GRIA4: variants seen among roughly 807,000 people sequenced by gnomAD.
GRIA4 encodes glutamate receptor 4.
GRIA4 carries 34 observed loss-of-function variants against 104.0 expected under a neutral mutation model. The observed-to-expected ratio is 0.33, with a 90% CI of 0.25 to 0.44. GRIA4 has a LOEUF of 0.44. Ranked by LOEUF, GRIA4 falls within the 20% of genes least tolerant of loss-of-function variation. GRIA4 has a pLI of 1.00. For synonymous variants in GRIA4, 386 were observed against 381.9 expected (o/e 1.01, Z -0.13); for missense variants, 750 against 1,096.5 (o/e 0.68, Z 4.46).
intron 3 of GRIA4, among the ~76,000 whole-genome samples, chr11:105,645,308 G>A (rs1951494875): frequency 6.6e-6 from 1 of 152,196 alleles, no homozygotes; most frequent in Non-Finnish European, 1.5e-5. Context: ...ATTCAGATAT[G>A]CTCCTTGGCA....
At chr11:105,936,720 T>C (rs1038330580) in intron 14 of GRIA4, among the ~76,000 whole-genome samples, 9 of 152,142 alleles carry the variant, frequency 5.9e-5, no homozygotes, top group African/African-American at 1.9e-4. Flanking sequence ...AAATTAGGAC[T>C]TGGGTATTTA....
intron 3 of GRIA4, among the ~76,000 whole-genome samples, chr11:105,697,449 G>A (rs1048432282): frequency 1.3e-5 from 2 of 152,186 alleles, no homozygotes; most frequent in African/African-American, 2.4e-5. Context: ...CTAAAAGGTG[G>A]GGCAAAGGTG....
intron 4 of GRIA4, among the ~76,000 whole-genome samples, chr11:105,799,739 C>T (rs1440362243): frequency 1.3e-5 from 2 of 152,044 alleles, no homozygotes; most frequent in Non-Finnish European, 2.9e-5. Flanking sequence ...TCAAGGTCAT[C>T]TGCTGAAATC....
chr11:105,817,494 T>C (rs1364708500), intron 4 of GRIA4, among the ~76,000 whole-genome samples: 1 of 151,778 alleles, frequency 6.6e-6, no homozygotes, highest in Non-Finnish European at 1.5e-5. Flanking sequence ...TTTTAAATTT[T>C]TTTTTCTATT....
Position 105,780,876 on chromosome 11 carries a change from A to G in GRIA4, c.487+27656A>G, listed in dbSNP as rs73540350. Among the ~76,000 whole-genome samples, 327 of 152,244 alleles carry G rather than the reference A, an allele frequency of 2.1e-3. 2 individuals carry two copies. The highest frequency in any genetic ancestry group is 7.5e-3 in the African/African-American group (312 of 41,562). ...AAAAATGTAATCATCTTATTCCTAC[A>G]GGTTTGATTAAAGTGACAAAAGAAA... On this transcript the variant is annotated intron_variant, in intron 4 of 16. Coordinates refer to ENST00000282499, the MANE Select transcript of GRIA4 (RefSeq NM_000829.4).
At chr11:105,634,944 G>T (rs888964333) in intron 3 of GRIA4, among the ~76,000 whole-genome samples, 1 of 152,146 alleles carries the variant, frequency 6.6e-6, no homozygotes, top group Non-Finnish European at 1.5e-5. Flanking sequence ...GTGTAATTTG[G>T]GAGCGGTGTT....
At chr11:105,974,663 A>G (rs1451949099) in intron 16 of GRIA4, 2 of 1,169,208 alleles carry the variant, frequency 1.7e-6, no homozygotes, top group Non-Finnish European at 2.4e-6. Context: ...TTAGAGCTTT[A>G]TATTTTTGAA....
At chr11:105,641,267 T>C (rs1951351172) in intron 3 of GRIA4, among the ~76,000 whole-genome samples, 1 of 152,142 alleles carries the variant, frequency 6.6e-6, no homozygotes, top group Non-Finnish European at 1.5e-5. Flanking sequence ...ATCTGAGCAC[T>C]ACAGACATTA....
At chr11:105,818,797 A>T (rs964658541) in intron 4 of GRIA4, among the ~76,000 whole-genome samples, 3 of 152,096 alleles carry the variant, frequency 2.0e-5, no homozygotes, top group African/African-American at 2.4e-5. Flanking sequence ...AGTAACCTTT[A>T]CTCCATGATG....
intron 4 of GRIA4, among the ~76,000 whole-genome samples, chr11:105,760,055 T>C (rs1940534886): frequency 6.6e-6 from 1 of 152,076 alleles, no homozygotes. Flanking sequence ...CTCATTCCTC[T>C]CCCCGAGCCA....
intron 3 of GRIA4, among the ~76,000 whole-genome samples, chr11:105,695,215 T>C (rs182564144): frequency 9.8e-5 from 15 of 152,354 alleles, no homozygotes; most frequent in African/African-American, 3.6e-4. Flanking sequence ...CAGAACACTA[T>C]ACTTGGCCTC....
chr11:105,614,858 T>C (rs1442802846), intron 3 of GRIA4, among the ~76,000 whole-genome samples: 5 of 151,882 alleles, frequency 3.3e-5, no homozygotes, highest in Admixed American at 6.6e-5. Context: ...GATTTTCCAA[T>C]CTAATTAAAG....
chr11:105,731,962 G>A lies in GRIA4; in HGVS notation c.248-21019G>A, dbSNP rs181051046. Among the ~76,000 whole-genome samples the A allele has an allele frequency of 3.9e-3, 592 of 152,086 alleles. 8 individuals are homozygous for A. Among genetic ancestry groups the A allele is most frequent in the Middle Eastern group, 6.8e-3 (2 of 294 alleles). On this transcript the variant is annotated intron_variant, in intron 3 of 16. Transcript: ENST00000282499. ...GATGGGTGCAGCAAACCACCATGGC[G>A]CATGTATACCTATGCAACAAACCTG...
At position 105,614,138 on chromosome 11, in the gene GRIA4, C is replaced by T. The variant is rs527810713; in HGVS notation, c.247+1704C>T. 24 of 151,476 alleles carry T rather than the reference C, an allele frequency of 1.6e-4. No individual in the cohort carries two copies. The South Asian group carries it at 4.6e-3, about 29-fold the overall frequency. 9.4% of individuals were successfully genotyped at this position (151,476 alleles called of 1,614,324 possible). A position where few individuals can be genotyped will look rare whatever the true frequency, so the allele number is the denominator to read the frequency against. On this transcript the variant is annotated intron_variant, in intron 3 of 16. Transcript: ENST00000282499. ...CTACTTTTAAAAATAATCTATGATCCAAATACATGTGAAGGTACTTTATCA... is the reference window on the plus strand; with the variant it reads ...CTACTTTTAAAAATAATCTATGATCTAAATACATGTGAAGGTACTTTATCA...
intron 3 of GRIA4, among the ~76,000 whole-genome samples, chr11:105,672,720 C>A (rs1952413864): frequency 6.6e-6 from 1 of 152,178 alleles, no homozygotes; most frequent in Non-Finnish European, 1.5e-5. Flanking sequence ...CTTTCATTTT[C>A]ACCCAGAGAC....
At chr11:105,743,740 C>A (rs758562286) in intron 3 of GRIA4, among the ~76,000 whole-genome samples, 44 of 152,270 alleles carry the variant, frequency 2.9e-4, no homozygotes, top group Admixed American at 7.2e-4. Context: ...CAAGAAAAAT[C>A]TTTCCAAGCT....
chr11:105,979,479 A>G, intron 16 of GRIA4, 96 bp from the exon 17 acceptor site: 1 of 1,083,712 alleles, frequency 9.2e-7, no homozygotes, highest in Non-Finnish European at 1.4e-6. Flanking sequence ...ATGTCTAATT[A>G]TTTATATTTC....
intron 4 of GRIA4, among the ~76,000 whole-genome samples, chr11:105,819,577 A>G (rs1458118069): frequency 6.6e-6 from 1 of 152,158 alleles, no homozygotes; most frequent in African/African-American, 2.4e-5. Context: ...TAGTTCAAAT[A>G]TAACATTTGT....
At chr11:105,749,426 A>C (rs1299381753) in intron 3 of GRIA4, among the ~76,000 whole-genome samples, 2 of 152,184 alleles carry the variant, frequency 1.3e-5, no homozygotes, top group Non-Finnish European at 2.9e-5. Context: ...GAACTTCTTA[A>C]GAGGTGGAAA....
Sources: gnomAD v4.1 joint callset for allele counts (sites outside exome capture counted in the v4.1 genomes callset) on GRCh38, gnomAD v4.1.1 for gene constraint, MANE v1.5 for transcripts, NCBI Gene and HGNC (gene_info 2026-07-23, HGNC 2026-07-21) for gene names.